The following MSANTD1 variants were observed in gnomAD, a reference collection of about 807,000 sequenced individuals.
MSANTD1 encodes myb/SANT-like DNA-binding domain-containing protein 1.
Under a neutral mutation model 24.2 loss-of-function variants are expected in MSANTD1, and 7 were observed. The observed-to-expected ratio is 0.29, with a 90% CI of 0.16 to 0.54. MSANTD1 has a LOEUF of 0.54. Ranked by LOEUF, MSANTD1 falls within the 20% of genes least tolerant of loss-of-function variation. The pLI is 0.94. For synonymous variants in MSANTD1, 177 were observed against 181.1 expected (o/e 0.98, Z 0.18); for missense variants, 384 against 408.2 (o/e 0.94, Z 0.51).
Position 3,256,221 on chromosome 4 carries a change from T to A in MSANTD1, c.*256T>A, listed in dbSNP as rs1722388588. 2.5e-6 allele frequency: 1 copy of A among 405,094 alleles called. No homozygotes were observed. The highest frequency in any genetic ancestry group is 4.4e-5 in the Admixed American group (1 of 22,514). 25.1% of individuals were successfully genotyped at this position (405,094 alleles called of 1,614,324 possible). A position where few individuals can be genotyped will look rare whatever the true frequency, so the allele number is the denominator to read the frequency against. ...CAGGGCCTCTGGGGTTCACTCCGAG[T>A]AAGAACGTCCTAGAGCCACTCTCCA... On this transcript the variant is annotated 3_prime_UTR_variant, in exon 3 of 3. Coordinates refer to ENST00000438480, the MANE Select transcript of MSANTD1 (RefSeq NM_001042690.2).
At chr4:3,254,614 G>A (rs1203300803) in intron 2 of MSANTD1, among the ~76,000 whole-genome samples, 1 of 152,232 alleles carries the variant, frequency 6.6e-6, no homozygotes, top group Non-Finnish European at 1.5e-5. Context: ...CCTGGGGTCT[G>A]TGGGTTTTGG....
chr4:3,249,883 C>T (rs981592049), intron 1 of MSANTD1, among the ~76,000 whole-genome samples: 30 of 152,304 alleles, frequency 2.0e-4, no homozygotes, highest in African/African-American at 5.5e-4. Context: ...TCGGAGGCAG[C>T]AACACTCATG....
chr4:3,245,595 C>T (rs960520956), upstream of MSANTD1, among the ~76,000 whole-genome samples: 2 of 152,210 alleles, frequency 1.3e-5, no homozygotes, highest in African/African-American at 4.8e-5. Flanking sequence ...CGCGAGCCCA[C>T]GAGTCTGGTC....
chr4:3,255,234 T>G (rs1417382142), intron 2 of MSANTD1, among the ~76,000 whole-genome samples: 1 of 136,920 alleles, frequency 7.3e-6, no homozygotes, highest in African/African-American at 3.0e-5. Flanking sequence ...TTTCTTTTTC[T>G]TTTTTTTTTT....
intron 1 of MSANTD1, 87 bp downstream of exon 1, chr4:3,249,629 G>A (rs565833096): frequency 4.2e-5 from 55 of 1,324,318 alleles, no homozygotes; most frequent in East Asian, 2.7e-4. Context: ...GCTCTGAGTC[G>A]GGACGATGTG....
rs763926596 is a variant in MSANTD1, at chr4:3,249,552, CG to C, written c.320+13del. ...TGACCTTCCAGTACAGGTGGGCGAG[CG>C]GGCAGTGTGGGCCCCACCAGGACGG... On this transcript the variant is annotated intron_variant, in intron 1 of 2. Transcript: ENST00000438480. The C allele has an allele frequency of 6.2e-7, 1 of 1,601,938 alleles. No individual in the cohort carries two copies. The highest frequency in any genetic ancestry group is 1.7e-5 in the Admixed American group (1 of 59,446).
chr4:3,247,213 G>A (rs776055017), upstream of MSANTD1, among the ~76,000 whole-genome samples: 3 of 152,184 alleles, frequency 2.0e-5, no homozygotes, highest in Non-Finnish European at 4.4e-5. Context: ...GGGTGATATA[G>A]TCAGATCCTG....
rs1190960791 is a variant in MSANTD1, at chr4:3,256,050, C to G, written c.*85C>G. The stretch of plus-strand genomic sequence containing the variant: ...GGGCAGGCCACTCAGGCCAGGCGGG[C>G]AAGGGGGCCGCCCCGCGAGCGGAGA... On this transcript the variant is annotated 3_prime_UTR_variant, in exon 3 of 3. Transcript: ENST00000438480. The G allele has an allele frequency of 2.8e-5, 39 of 1,390,338 alleles. No individual in the cohort carries two copies. Among genetic ancestry groups the G allele is most frequent in the Middle Eastern group, 5.3e-4 (2 of 3,762 alleles). The allele number at this position is 1,390,338 out of a possible 1,614,324, so 86.1% of individuals were successfully genotyped here. A position where few individuals can be genotyped will look rare whatever the true frequency, so the allele number is the denominator to read the frequency against.
chr4:3,252,795 A>G (rs1270301077), intron 1 of MSANTD1, among the ~76,000 whole-genome samples: 1 of 152,244 alleles, frequency 6.6e-6, no homozygotes, highest in Non-Finnish European at 1.5e-5. Context: ...CTATATTTAT[A>G]TATCTTATAA....
chr4:3,246,567 C>G, upstream of MSANTD1: 1 of 634,640 alleles, frequency 1.6e-6, no homozygotes, highest in South Asian at 1.8e-5. Context: ...CTGCCGAGGC[C>G]TGACCTGCCC....
chr4:3,254,867 T>C (rs1722338665), intron 2 of MSANTD1, among the ~76,000 whole-genome samples: 2 of 152,208 alleles, frequency 1.3e-5, no homozygotes, highest in Non-Finnish European at 2.9e-5. Context: ...ATAAGGGGGC[T>C]CACATCTCAG....
upstream of MSANTD1, among the ~76,000 whole-genome samples, chr4:3,246,236 C>T (rs1722021527): frequency 6.6e-6 from 1 of 152,202 alleles, no homozygotes; most frequent in African/African-American, 2.4e-5. Flanking sequence ...AAGCCCTGAA[C>T]TCCTCAGCTG....
At chr4:3,246,594 T>C (rs1722034832), upstream of MSANTD1, 2 of 668,800 alleles carry the variant, frequency 3.0e-6, no homozygotes, top group African/African-American at 3.6e-5. Context: ...CCTCAGGTGC[T>C]GCTGGTTGAC....
chr4:3,247,473 G>A (rs1379113785), upstream of MSANTD1: 1 of 152,274 alleles, frequency 6.6e-6, no homozygotes, highest in Non-Finnish European at 1.5e-5. Context: ...TTCCTGAGGA[G>A]CCAGGGCTTC....
At chr4:3,248,777 C>A (rs1055611842), upstream of MSANTD1, 1 of 157,422 alleles carries the variant, frequency 6.4e-6, no homozygotes, top group African/African-American at 2.4e-5. Context: ...AGCCCAGGAC[C>A]CCCACCAGGG....
intron 1 of MSANTD1, 105 bp from the exon 2 acceptor site, chr4:3,253,102 G>A: frequency 8.1e-7 from 1 of 1,236,992 alleles, no homozygotes; most frequent in Non-Finnish European, 1.1e-6. Context: ...GCCGAGAGCG[G>A]CTCCTGCCTG....
At chr4:3,247,723 TC>T (rs1241688315), upstream of MSANTD1, 2 of 152,234 alleles carry the variant, frequency 1.3e-5, no homozygotes, top group Admixed American at 1.3e-4. Flanking sequence ...CCCTCTGAGT[TC>T]CTCACACATC....
chr4:3,253,517 G>T (rs766385918), intron 2 of MSANTD1, 35 bp downstream of exon 2: 10 of 1,470,364 alleles, frequency 6.8e-6, no homozygotes, highest in Non-Finnish European at 9.0e-6. Flanking sequence ...CTGCCCTGGG[G>T]TATCTCAGCC....
chr4:3,252,698 G>A (rs1462524989), intron 1 of MSANTD1, among the ~76,000 whole-genome samples: 1 of 152,238 alleles, frequency 6.6e-6, no homozygotes, highest in East Asian at 1.9e-4. Context: ...TGTGGACACT[G>A]AAGCCTGTGC....
Sources: gnomAD v4.1 joint callset for allele counts (sites outside exome capture counted in the v4.1 genomes callset) on GRCh38, gnomAD v4.1.1 for gene constraint, MANE v1.5 for transcripts, NCBI Gene and HGNC (gene_info 2026-07-23, HGNC 2026-07-21) for gene names.